TM4SF18: variants seen among roughly 807,000 people sequenced by gnomAD.
TM4SF18 encodes the protein transmembrane 4 L six family member 18, also known as transmembrane 4 L6 family member 18.
In TM4SF18, 22 loss-of-function variants were observed where a neutral mutation model predicts 23.8. The observed-to-expected ratio is 0.92, with a 90% CI of 0.66 to 1.32. The LOEUF (loss-of-function observed/expected upper bound fraction) is 1.32, where lower values mean the gene tolerates loss of function less well. TM4SF18 is among the 40% of genes most tolerant of loss of function. TM4SF18 has a pLI of 0.00. For missense variants in TM4SF18, 255 were observed against 240.3 expected (o/e 1.06, Z -0.41); for synonymous variants, 87 against 87.9 (o/e 0.99, Z 0.06).
At position 149,322,404 on chromosome 3, in the gene TM4SF18, C is replaced by T; in HGVS notation, c.443G>A (p.Cys148Tyr). The change falls in exon 5 of 6, where the codon TGC becomes TAC. Residue 148 changes from cysteine (C) to tyrosine (Y), a missense_variant. By Grantham distance (194) the Cys-to-Tyr change is radical (BLOSUM62 -2). Coordinates refer to ENST00000296059, the MANE Select transcript of TM4SF18 (RefSeq NM_138786.4). ...CTCCACAACATGTGCAGGTTCCAGG[C>T]ACTGAATCCATATGCTAGAATCTGT... is the stretch of plus-strand genomic sequence containing the variant. Reference protein sequence around the residue: ...FLTDSSIWIQCLEPAHVVEWN... With the variant: ...FLTDSSIWIQYLEPAHVVEWN... The T allele has an allele frequency of 6.2e-7, 1 of 1,613,944 alleles. No homozygotes were observed. Among genetic ancestry groups the T allele is most frequent in the Non-Finnish European group, 8.5e-7 (1 of 1,179,932 alleles).
intron 4 of TM4SF18, among the ~76,000 whole-genome samples, chr3:149,324,194 C>G (rs551470594): frequency 6.6e-6 from 1 of 152,286 alleles, no homozygotes; most frequent in East Asian, 1.9e-4. Context: ...ACCCAATAAG[C>G]CCAGCACAAT....
intron 2 of TM4SF18, among the ~76,000 whole-genome samples, chr3:149,332,403 G>A (rs1182283046): frequency 3.3e-5 from 5 of 152,230 alleles, no homozygotes; most frequent in African/African-American, 1.2e-4. Context: ...CCAGGAAATT[G>A]TCTTTTCCTC....
intron 3 of TM4SF18, among the ~76,000 whole-genome samples, chr3:149,328,082 C>A (rs1730996044): frequency 6.6e-6 from 1 of 151,982 alleles, no homozygotes; most frequent in Non-Finnish European, 1.5e-5. Context: ...AATAATTGTC[C>A]AAGAATTTTG....
At chr3:149,329,505 C>T (rs1290281746) in intron 3 of TM4SF18, among the ~76,000 whole-genome samples, 1 of 152,180 alleles carries the variant, frequency 6.6e-6, no homozygotes, top group Non-Finnish European at 1.5e-5. Context: ...CATAAAACTC[C>T]TCCTAGCTAA....
At position 149,321,157 on chromosome 3, in the gene TM4SF18, T is replaced by G. The variant is rs1468130136; in HGVS notation, c.*321A>C. 4.9e-6 allele frequency: 1 copy of G among 202,400 alleles called. No individual in the cohort carries two copies. Among genetic ancestry groups the G allele is most frequent in the Non-Finnish European group, 1.0e-5 (1 of 100,470 alleles). 12.5% of individuals were successfully genotyped at this position (202,400 alleles called of 1,614,324 possible). ...GGGGTGTTTCCAATTTTCCAGAATA[T>G]TAAATAATGTTGCAATATACATATT... On this transcript the variant is annotated 3_prime_UTR_variant, in exon 6 of 6. Coordinates refer to ENST00000296059, the MANE Select transcript of TM4SF18 (RefSeq NM_138786.4).
chr3:149,328,302 A>G (rs1046535857), intron 3 of TM4SF18, among the ~76,000 whole-genome samples: 4 of 152,070 alleles, frequency 2.6e-5, no homozygotes, highest in African/African-American at 7.2e-5. Context: ...GGTGCAAGGG[A>G]GGTAAGAGTA....
intron 3 of TM4SF18, chr3:149,330,083 G>GA (rs139171549): frequency 3.5e-5 from 10 of 285,370 alleles, no homozygotes; most frequent in South Asian, 1.5e-4. Context: ...ACTTAGTTAG[G>GA]AAAAAAAAGT....
chr3:149,323,134 A>G (rs969562552), intron 4 of TM4SF18, among the ~76,000 whole-genome samples: 1 of 151,964 alleles, frequency 6.6e-6, no homozygotes, highest in Non-Finnish European at 1.5e-5. Context: ...TCCTGACCTC[A>G]TGATCTGCCT....
rs201013430 is a variant in TM4SF18, at chr3:149,333,335, C to T, written c.48G>A (p.Pro16=). 288 of 1,613,368 alleles carry T rather than the reference C, an allele frequency of 1.8e-4. No individual in the cohort carries two copies. Among genetic ancestry groups the T allele is most frequent in the African/African-American group, 3.7e-4 (28 of 74,876 alleles). Residue 16 remains proline, a synonymous_variant, in exon 2 of 6, where the codon CCG becomes CCA. Coordinates refer to ENST00000296059, the MANE Select transcript of TM4SF18 (RefSeq NM_138786.4). The part of the protein sequence containing the change: ...CGGCLSCLLI[P]LALWSIIVNI... ...TCACGATTATACTCCAAAGTGCAAG[C>T]GGAATCAGCAAACAACTTAGGCAGC... is the stretch of plus-strand genomic sequence containing the variant.
rs1333014588 is a variant in TM4SF18 at position 149,321,178 on chromosome 3, A to G, written c.*300T>C. The G allele has an allele frequency of 4.0e-6, 1 of 250,684 alleles. No individual in the cohort carries two copies. The highest frequency in any genetic ancestry group is 2.2e-5 in the African/African-American group (1 of 45,282). 15.5% of individuals were successfully genotyped at this position (250,684 alleles called of 1,614,324 possible). A position where few individuals can be genotyped will look rare whatever the true frequency, so the allele number is the denominator to read the frequency against. On this transcript the variant is annotated 3_prime_UTR_variant, in exon 6 of 6. Transcript: ENST00000296059. Reference sequence around the variant, plus strand: ...AATATTAAATAATGTTGCAATATACATATTTGCATAAAGGTTTCTCTCATA... The same window carrying G: ...AATATTAAATAATGTTGCAATATACGTATTTGCATAAAGGTTTCTCTCATA...
At position 149,324,909 on chromosome 3, in the gene TM4SF18, C is replaced by T. The variant is rs761030192; in HGVS notation, c.381G>A (p.Trp127Ter). 3.7e-6 allele frequency: 6 copies of T among 1,614,114 alleles called. No individual in the cohort carries two copies. The highest frequency in any genetic ancestry group is 1.7e-5 in the Admixed American group (1 of 60,018). Residue 127 changes from tryptophan to a stop codon, truncating the protein, a stop_gained, in exon 4 of 6, where the codon TGG becomes TGA. Transcript: ENST00000296059. LOFTEE classifies it high-confidence loss of function. ...CAGCAGTGCCTTCAAAAGCATACTC[C>T]CAGCCATCAAGGGTGCGGCAATATG... ...QGPYCRTLDGWEYAFEGTAGR... is the reference protein window; with the variant it reads ...QGPYCRTLDG
rs112912432 is a variant in TM4SF18, at chr3:149,322,274, G to A, written c.573C>T (p.Ser191=). 2,379 of 1,612,978 alleles carry A rather than the reference G, an allele frequency of 1.5e-3. 34 individuals carry two copies. The African/African-American group carries it at 0.026, about 18-fold the overall frequency. Residue 191 remains serine (S), a synonymous_variant, in exon 5 of 6, where the codon AGC becomes AGT. Coordinates refer to ENST00000296059, the MANE Select transcript of TM4SF18 (RefSeq NM_138786.4). ...CTGTTACCTGGAAGATCACTGAATA[G>A]CTTCCACACAGTATCTTGGATAGTT... is the stretch of plus-strand genomic sequence containing the variant. ...VMQLSKILCG[S]YSVIFQPGII
rs78179168 is a variant in TM4SF18 at position 149,324,498 on chromosome 3, C to A, written c.410+382G>T. Among the ~76,000 whole-genome samples the A allele has an allele frequency of 2.2e-4, 34 of 152,274 alleles. 1 individual carries two copies. In the East Asian group the frequency reaches 6.6e-3, roughly 29 times the overall value. ...CAAGCCCTTTTACACTTGTAACAGA[C>A]CACATGTCCAACCTGGCCATAAAAC... On this transcript the variant is annotated intron_variant, in intron 4 of 5. Transcript: ENST00000296059.
intron 4 of TM4SF18, 63 bp downstream of exon 4, chr3:149,324,811 GTGAGCT>G: frequency 1.3e-6 from 2 of 1,593,448 alleles, no homozygotes; most frequent in Middle Eastern, 3.3e-4. Context: ...GAAAATGAGC[GTGAGCT>G]TGAGCATGAG....
intron 3 of TM4SF18, 152 bp from the exon 4 acceptor site, chr3:149,325,174 T>A (rs1730912875): frequency 6.0e-6 from 4 of 669,218 alleles, no homozygotes; most frequent in Non-Finnish European, 9.5e-6. Flanking sequence ...AAAAAAGTAA[T>A]CCAAACCTAT....
chr3:149,327,255 C>A (rs1178444991), intron 3 of TM4SF18, among the ~76,000 whole-genome samples: 1 of 152,116 alleles, frequency 6.6e-6, no homozygotes, highest in Non-Finnish European at 1.5e-5. Flanking sequence ...CGGCCAGAAA[C>A]TATTTTTTAA....
At chr3:149,330,534 G>T in intron 2 of TM4SF18, 115 bp from the exon 3 acceptor site, 1 of 602,106 alleles carries the variant, frequency 1.7e-6, no homozygotes. Context: ...ATATGGATTT[G>T]AATCCAAGCT....
Position 149,322,438 on chromosome 3 carries a change from T to A in TM4SF18, c.411-2A>T, listed in dbSNP as rs748371359. ...CATATGCTAGAATCTGTAAGGAAAC[T>A]GAGAGAGACCCATGGCCAAATCTAC... On this transcript the variant is annotated splice_acceptor_variant, in intron 4 of 5. Coordinates refer to ENST00000296059, the MANE Select transcript of TM4SF18 (RefSeq NM_138786.4). LOFTEE classifies it high-confidence loss of function. 6.2e-7 allele frequency: 1 copy of A among 1,611,732 alleles called. No individual in the cohort carries two copies. Among genetic ancestry groups the A allele is most frequent in the East Asian group, 2.2e-5 (1 of 44,832 alleles).
Position 149,319,272 on chromosome 3 carries a change from A to G in TM4SF18, c.*2206T>C, listed in dbSNP as rs1394012648. The G allele has an allele frequency of 6.6e-6, 1 of 152,224 alleles. No homozygotes were observed. Among genetic ancestry groups the G allele is most frequent in the African/African-American group, 2.4e-5 (1 of 41,446 alleles). The allele number at this position is 152,224 out of a possible 1,614,324, so 9.4% of individuals were successfully genotyped here. ...AGACTTTGAGAGAATTTTTAACAAG[A>G]TGGTCCTAGATATGACTAGCTTATG... On this transcript the variant is annotated 3_prime_UTR_variant, in exon 6 of 6. Coordinates refer to ENST00000296059, the MANE Select transcript of TM4SF18 (RefSeq NM_138786.4).
Sources: allele counts gnomAD v4.1 joint callset (sites outside exome capture counted in the v4.1 genomes callset), GRCh38; gene constraint gnomAD v4.1.1; transcripts MANE v1.5; gene names NCBI Gene and HGNC (gene_info 2026-07-23, HGNC 2026-07-21).